SVOPL: variants seen among roughly 807,000 people sequenced by gnomAD.
The protein encoded by SVOPL is SVOP like.
In SVOPL, 60 loss-of-function variants were observed where a neutral mutation model predicts 61.0. The observed-to-expected ratio is 0.98, with a 90% confidence interval of 0.80 to 1.22. The LOEUF is 1.22. Ranked by LOEUF, SVOPL falls within the 50% of genes most tolerant of loss-of-function variation. The pLI, the probability that SVOPL is intolerant of heterozygous loss-of-function variation, is 0.00. For synonymous variants in SVOPL, 279 were observed against 250.0 expected, an observed-to-expected ratio of 1.12 and a Z score of -1.09; for missense variants, 662 against 643.9, an observed-to-expected ratio of 1.03 and a Z score of -0.30.
rs144549446 is a variant in SVOPL, at chr7:138,626,046, C to T, written c.1186G>A (p.Gly396Ser). ...LLLNICTSSA[G>S]LIGFLFMLRA... ...AGCATGAAGAGGAAGCCAATCAGGCCGGCACTAGAAAACAGGAAGCGGAGA... is the reference window on the plus strand; with the variant it reads ...AGCATGAAGAGGAAGCCAATCAGGCTGGCACTAGAAAACAGGAAGCGGAGA... The change falls in exon 13 of 16, where the codon GGC becomes AGC. Residue 396 changes from glycine to serine, a missense_variant. By Grantham distance (56) the Gly-to-Ser change is moderately conservative. Transcript: ENST00000674285. 6.8e-5 allele frequency: 109 copies of T among 1,614,010 alleles called. No homozygotes were observed. Among genetic ancestry groups the T allele is most frequent in the African/African-American group, 5.5e-4 (41 of 75,006 alleles).
At chr7:138,676,719 G>T (rs1455620356) in intron 3 of SVOPL, among the ~76,000 whole-genome samples, 2 of 152,060 alleles carry the variant, frequency 1.3e-5, no homozygotes, top group African/African-American at 4.8e-5. Context: ...CCATGTGTTC[G>T]AATTTACATA....
At chr7:138,695,722 T>G (rs1285694491) in intron 1 of SVOPL, among the ~76,000 whole-genome samples, 1 of 152,104 alleles carries the variant, frequency 6.6e-6, no homozygotes, top group Admixed American at 6.6e-5. Flanking sequence ...GTTTAGATTT[T>G]AGGTTTCTCG....
chr7:138,649,120 G>A lies in SVOPL; in HGVS notation c.552C>T (p.Gly184=), dbSNP rs750431679. ...LPLSQVFWLA[G]SLLIIGLASV... The stretch of plus-strand genomic sequence containing the variant: ...AGGCCAAGCCAATGATGAGCAGGGA[G>A]CCCGCAAGCCAGAACACCTAGGAAG... Residue 184 remains glycine (G), a synonymous_variant, in exon 8 of 16, where the codon GGC becomes GGT. Coordinates refer to ENST00000674285, the MANE Select transcript of SVOPL (RefSeq NM_001139456.2). The A allele has an allele frequency of 2.5e-6, 4 of 1,613,422 alleles. No individual in the cohort carries two copies. Among genetic ancestry groups the A allele is most frequent in the Non-Finnish European group, 3.4e-6 (4 of 1,179,854 alleles).
intron 1 of SVOPL, chr7:138,689,161 G>A (rs374344715): frequency 2.8e-5 from 27 of 980,202 alleles, no homozygotes; most frequent in East Asian, 7.2e-5. Context: ...GTACCATTCC[G>A]ATGTTACAAT....
At chr7:138,620,119 G>GTTTTTTTTTTTTTTT (rs375556204) in intron 14 of SVOPL, among the ~76,000 whole-genome samples, 11 of 114,586 alleles carry the variant, frequency 9.6e-5, no homozygotes, top group African/African-American at 2.8e-4. Flanking sequence ...TTTTTTTTCT[G>GTTTTTTTTTTTTTTT]TTTTGTTTTT....
chr7:138,596,809 T>C (rs1798299513), intron 14 of SVOPL: 1 of 1,129,274 alleles, frequency 8.9e-7, no homozygotes, highest in African/African-American at 1.6e-5. Flanking sequence ...AGTTTTGATA[T>C]ATGGAAAAGA....
At chr7:138,615,719 T>C (rs1799265316) in intron 14 of SVOPL, among the ~76,000 whole-genome samples, 1 of 39,536 alleles carries the variant, frequency 2.5e-5, no homozygotes, top group African/African-American at 4.9e-5. Flanking sequence ...TGTTTGAACC[T>C]GGGAGGCGGA....
intron 4 of SVOPL, among the ~76,000 whole-genome samples, chr7:138,671,100 G>T (rs964325897): frequency 6.6e-6 from 1 of 152,072 alleles, no homozygotes; most frequent in Admixed American, 6.6e-5. Context: ...TGCATGGAGG[G>T]TTTATATGTG....
At chr7:138,659,546 C>T (rs1018634998) in intron 6 of SVOPL, among the ~76,000 whole-genome samples, 2 of 151,950 alleles carry the variant, frequency 1.3e-5, no homozygotes, top group Non-Finnish European at 2.9e-5. Flanking sequence ...TGGAAGTCCC[C>T]CACCCTTTGA....
At chr7:138,682,000 A>G (rs1381205902) in intron 1 of SVOPL, among the ~76,000 whole-genome samples, 1 of 152,196 alleles carries the variant, frequency 6.6e-6, no homozygotes, top group African/African-American at 2.4e-5. Flanking sequence ...GAATGGTAAG[A>G]AATAAACTCA....
At chr7:138,652,560 C>T (rs935356680) in intron 7 of SVOPL, among the ~76,000 whole-genome samples, 5 of 152,144 alleles carry the variant, frequency 3.3e-5, no homozygotes, top group African/African-American at 7.2e-5. Flanking sequence ...CTGAGGTAAG[C>T]CAAAAGCTAG....
chr7:138,622,022 CTATCTATCTATCTATG>C lies in SVOPL; in HGVS notation c.1264-903_1264-888del, dbSNP rs1563095961. Among the ~76,000 whole-genome samples, 5 of 21,642 alleles carry C rather than the reference CTATCTATCTATCTATG, an allele frequency of 2.3e-4. 1 individual carries two copies. The highest frequency in any genetic ancestry group is 5.7e-4 in the Non-Finnish European group (5 of 8,726). 14.2% of individuals were successfully genotyped at this position (21,642 alleles called of 152,430 possible). A position where few individuals can be genotyped will look rare whatever the true frequency, so the allele number is the denominator to read the frequency against. ...TCTATCTATGTATCTATCTATGTAT[CTATCTATCTATCTATG>C]TATCTATCTATCTATGTATCTATCT... On this transcript the variant is annotated intron_variant, in intron 13 of 15. Transcript: ENST00000674285.
At chr7:138,603,095 C>A (rs1798600244) in intron 14 of SVOPL, among the ~76,000 whole-genome samples, 1 of 152,126 alleles carries the variant, frequency 6.6e-6, no homozygotes, top group Non-Finnish European at 1.5e-5. Flanking sequence ...GGAACACACA[C>A]AGACATGCCC....
rs1425993442 is a variant in SVOPL, at chr7:138,701,340, C to T, written c.-197G>A. On this transcript the variant is annotated 5_prime_UTR_variant, in exon 1 of 16. Coordinates refer to ENST00000674285, the MANE Select transcript of SVOPL (RefSeq NM_001139456.2). ...CTGGTCTTATCCTCTCCTTTCAGGTCGGGTCTCAGATCAGGATTCTTTAAG... is the reference window on the plus strand; with the variant it reads ...CTGGTCTTATCCTCTCCTTTCAGGTTGGGTCTCAGATCAGGATTCTTTAAG... 1 of 152,162 alleles carries T rather than the reference C, an allele frequency of 6.6e-6. No individual in the cohort carries two copies. Among genetic ancestry groups the T allele is most frequent in the African/African-American group, 2.4e-5 (1 of 41,416 alleles). 9.4% of individuals were successfully genotyped at this position (152,162 alleles called of 1,614,324 possible). A position where few individuals can be genotyped will look rare whatever the true frequency, so the allele number is the denominator to read the frequency against.
chr7:138,643,422 CAAAAAAA>C (rs36014220), intron 9 of SVOPL, among the ~76,000 whole-genome samples: 2 of 67,338 alleles, frequency 3.0e-5, no homozygotes, highest in African/African-American at 1.0e-4. Flanking sequence ...GACTCCATCT[CAAAAAAA>C]AAAAAAAAAA....
rs780045890 is a variant in SVOPL, at chr7:138,621,081, G to A, written c.1318C>T (p.Arg440Cys). 1.4e-5 allele frequency: 22 copies of A among 1,613,472 alleles called. No individual in the cohort carries two copies. Among genetic ancestry groups the A allele is most frequent in the African/African-American group, 2.7e-5 (2 of 74,876 alleles). ...AATGGTGCCACCATTGCACCAATGCGACACAGGGAGCCGCTGGTTCCCATC... is the reference window on the plus strand; with the variant it reads ...AATGGTGCCACCATTGCACCAATGCAACACAGGGAGCCGCTGGTTCCCATC... ...LGMGTSGSLC[R>C]IGAMVAPFIS... Residue 440 changes from arginine (R) to cysteine (C), a missense_variant, in exon 14 of 16, where the codon CGC becomes TGC. Transcript: ENST00000674285.
intron 1 of SVOPL, among the ~76,000 whole-genome samples, chr7:138,679,363 G>A (rs1228413423): frequency 6.6e-6 from 1 of 152,014 alleles, no homozygotes; most frequent in Non-Finnish European, 1.5e-5. Flanking sequence ...TCCGCCTTCT[G>A]AGTTCAAGCG....
Position 138,676,549 on chromosome 7 carries a change from C to G in SVOPL, c.174+1885G>C, listed in dbSNP as rs145962568. Among the ~76,000 whole-genome samples the G allele has an allele frequency of 3.3e-5, 5 of 152,228 alleles. 2 individuals carry two copies. The South Asian group carries it at 1.0e-3, about 32-fold the overall frequency. On this transcript the variant is annotated intron_variant, in intron 3 of 15. Transcript: ENST00000674285. ...ATCCCATTCACGAGGGAGGAGTCCCCGCCTCTTCACACTATCTCATTGGCA... is the reference window on the plus strand; with the variant it reads ...ATCCCATTCACGAGGGAGGAGTCCCGGCCTCTTCACACTATCTCATTGGCA...
At chr7:138,658,048 G>A (rs1463537760) in intron 6 of SVOPL, among the ~76,000 whole-genome samples, 4 of 152,182 alleles carry the variant, frequency 2.6e-5, no homozygotes, top group Admixed American at 1.3e-4. Flanking sequence ...ATCAGAGCTC[G>A]CTTTGGTCGC....
Sources: gnomAD v4.1 joint callset for allele counts (sites outside exome capture counted in the v4.1 genomes callset) on GRCh38, gnomAD v4.1.1 for gene constraint, MANE v1.5 for transcripts, NCBI Gene and HGNC (gene_info 2026-07-23, HGNC 2026-07-21) for gene names.